GDPD5: variants seen among roughly 807,000 people sequenced by gnomAD.
GDPD5 encodes glycerophosphodiester phosphodiesterase domain containing 5.
In GDPD5, 48 loss-of-function variants were observed where a neutral mutation model predicts 75.1. The observed-to-expected ratio is 0.64, with a 90% CI of 0.51 to 0.81. GDPD5 has a LOEUF of 0.81. Among genes scored for constraint, GDPD5 ranks in the 40% least tolerant of loss-of-function variants. The probability of loss-of-function intolerance (pLI) is 0.00; values close to 1 mark genes in which losing one functional copy is unlikely to be tolerated. For synonymous variants in GDPD5, 336 were observed against 339.0 expected (o/e 0.99, Z 0.10); for missense variants, 706 against 822.6 (o/e 0.86, Z 1.73).
chr11:75,497,489 A>AG (rs1950232303), intron 1 of GDPD5, among the ~76,000 whole-genome samples: 1 of 152,074 alleles, frequency 6.6e-6, no homozygotes, highest in Non-Finnish European at 1.5e-5. Flanking sequence ...CTGGACAGTG[A>AG]GGGGGCTCTG....
chr11:75,474,922 C>G (rs573439337), intron 3 of GDPD5, among the ~76,000 whole-genome samples: 1 of 152,330 alleles, frequency 6.6e-6, no homozygotes, highest in South Asian at 2.1e-4. Context: ...CACTTAAACC[C>G]ACATCTTCAA....
chr11:75,440,115 G>T (rs567348221), intron 14 of GDPD5, among the ~76,000 whole-genome samples, 154 bp from the exon 15 acceptor site: 1 of 152,338 alleles, frequency 6.6e-6, no homozygotes, highest in South Asian at 2.1e-4. Flanking sequence ...ATGACATTTT[G>T]CAGGTGTAGG....
chr11:75,490,628 C>T (rs2187568), intron 1 of GDPD5: 8,333 of 152,512 alleles, frequency 0.055, 335 homozygotes, highest in East Asian at 0.13. Flanking sequence ...ACTCCTGCCC[C>T]TCCAGGACCC....
At position 75,443,202 on chromosome 11, in the gene GDPD5, G is replaced by A. The variant is rs746989136; in HGVS notation, c.882C>T (p.Arg294=). 21 of 1,604,148 alleles carry A rather than the reference G, an allele frequency of 1.3e-5. No individual in the cohort carries two copies. The highest frequency in any genetic ancestry group is 1.8e-5 in the Non-Finnish European group (21 of 1,176,192). The change falls in exon 11 of 17, where the codon CGC becomes CGT. Residue 294 remains arginine, a synonymous_variant. Coordinates refer to ENST00000336898, the MANE Select transcript of GDPD5 (RefSeq NM_030792.8). ...NVEEEFPELA[R]RPASMLNWTT... The stretch of plus-strand genomic sequence containing the variant: ...TCCAGTTAAGCATGGAGGCAGGCCT[G>A]CGGGCCAGCTCCGGGAACTCCTCCT...
intron 10 of GDPD5, 126 bp downstream of exon 10, chr11:75,444,287 A>T (rs1948923605): frequency 1.4e-6 from 1 of 709,608 alleles, no homozygotes; most frequent in Non-Finnish European, 2.6e-6. Context: ...CCTGCTGTGG[A>T]TAATCTAAGT....
intron 2 of GDPD5, among the ~76,000 whole-genome samples, chr11:75,480,132 C>T (rs564527940): frequency 2.6e-5 from 4 of 152,126 alleles, no homozygotes; most frequent in South Asian, 4.2e-4. Context: ...GTCAGGAGTT[C>T]GAGACCAGCC....
chr11:75,440,641 G>C (rs1948768244), intron 14 of GDPD5, among the ~76,000 whole-genome samples: 1 of 152,148 alleles, frequency 6.6e-6, no homozygotes, highest in Non-Finnish European at 1.5e-5. Flanking sequence ...CTGCAGCTTT[G>C]ACCTGCTGGG....
chr11:75,500,153 A>T (rs1421085004), intron 1 of GDPD5, among the ~76,000 whole-genome samples: 1 of 152,106 alleles, frequency 6.6e-6, no homozygotes, highest in African/African-American at 2.4e-5. Flanking sequence ...GGGTGTCTAC[A>T]GATGACCACT....
intron 1 of GDPD5, among the ~76,000 whole-genome samples, chr11:75,491,262 C>T (rs1950103328): frequency 6.6e-6 from 1 of 152,226 alleles, no homozygotes. Context: ...CCTTCTGCAC[C>T]TCCAGGTTCC....
chr11:75,502,632 C>T (rs1486203330), intron 1 of GDPD5, among the ~76,000 whole-genome samples: 2 of 152,148 alleles, frequency 1.3e-5, no homozygotes, highest in Non-Finnish European at 2.9e-5. Flanking sequence ...GCGTCTCTGT[C>T]CCCCCACTTG....
rs371106113 is a variant in GDPD5, at chr11:75,443,292, G to T, written c.798-6C>A. 1.2e-6 allele frequency: 2 copies of T among 1,602,956 alleles called. No homozygotes were observed. The highest frequency in any genetic ancestry group is 2.7e-5 in the African/African-American group (2 of 74,820). ...GGAAGGGCACGCCGTCCAGGCTGCA[G>T]GGAGGGTGGGGCCACCGAGTCAGTG... On this transcript the variant is annotated splice_region_variant and splice_polypyrimidine_tract_variant and intron_variant, in intron 10 of 16. Transcript: ENST00000336898.
At chr11:75,439,433 C>T in intron 15 of GDPD5, 1 of 440,912 alleles carries the variant, frequency 2.3e-6, no homozygotes, top group South Asian at 1.6e-5. Context: ...CAGGATGGGA[C>T]AGAGAGAGAA....
intron 3 of GDPD5, among the ~76,000 whole-genome samples, chr11:75,465,811 C>G (rs533074291): frequency 6.6e-6 from 1 of 152,292 alleles, no homozygotes; most frequent in South Asian, 2.1e-4. Context: ...AGGGGTGAGC[C>G]TCGGCCTAGG....
chr11:75,436,384 A>G (rs954591314), intron 16 of GDPD5, among the ~76,000 whole-genome samples: 6 of 151,942 alleles, frequency 3.9e-5, no homozygotes, highest in African/African-American at 1.2e-4. Flanking sequence ...AGCCATTACC[A>G]AAGCACCTCC....
chr11:75,473,008 CAG>C (rs1949701876), intron 3 of GDPD5, among the ~76,000 whole-genome samples: 1 of 151,836 alleles, frequency 6.6e-6, no homozygotes, highest in African/African-American at 2.4e-5. Context: ...AGGAGAAAGA[CAG>C]GGCATTCCAA....
intron 15 of GDPD5, 42 bp downstream of exon 15, chr11:75,439,837 G>C: frequency 6.6e-7 from 1 of 1,513,256 alleles, no homozygotes; most frequent in Non-Finnish European, 9.2e-7. Flanking sequence ...TGGGCCTGCT[G>C]CAGGGTAGGG....
intron 12 of GDPD5, 141 bp from the exon 13 acceptor site, chr11:75,441,944 G>C (rs1028678764): frequency 2.3e-5 from 20 of 861,898 alleles, no homozygotes; most frequent in Non-Finnish European, 3.0e-5. Context: ...AGCAGGGCAG[G>C]ACTCAGTCCC....
intron 5 of GDPD5, among the ~76,000 whole-genome samples, chr11:75,457,100 C>T (rs887025744): frequency 6.6e-6 from 1 of 152,238 alleles, no homozygotes; most frequent in Non-Finnish European, 1.5e-5. Flanking sequence ...TACTCAACTT[C>T]ATTCATCAAA....
At chr11:75,503,722 T>C (rs1950338039) in intron 1 of GDPD5, among the ~76,000 whole-genome samples, 1 of 152,226 alleles carries the variant, frequency 6.6e-6, no homozygotes, top group Non-Finnish European at 1.5e-5. Flanking sequence ...ACCATGCAAA[T>C]GAGTCTGACG....
Sources: allele counts gnomAD v4.1 joint callset (sites outside exome capture counted in the v4.1 genomes callset), GRCh38; gene constraint gnomAD v4.1.1; transcripts MANE v1.5; gene names NCBI Gene and HGNC (gene_info 2026-07-23, HGNC 2026-07-21).